Variants in SEC24D observed in about 807,000 individuals in gnomAD.
SEC24D encodes SEC24 homolog D, COPII component, also known as protein transport protein Sec24D.
Under a neutral mutation model 116.9 loss-of-function variants are expected in SEC24D, and 69 were observed. The observed-to-expected ratio is 0.59, with a 90% CI of 0.49 to 0.72. The LOEUF (loss-of-function observed/expected upper bound fraction) is 0.72, where lower values mean the gene tolerates loss of function less well. Among genes scored for constraint, SEC24D ranks in the 30% least tolerant of loss-of-function variants. The pLI is 0.00. For missense variants in SEC24D, 1,131 were observed against 1,264.1 expected (o/e 0.89, Z 1.60); for synonymous variants, 405 against 442.8 (o/e 0.91, Z 1.07).
At chr4:118,790,869 T>C (rs183786671) in intron 8 of SEC24D, among the ~76,000 whole-genome samples, 6 of 148,864 alleles carry the variant, frequency 4.0e-5, no homozygotes, top group African/African-American at 1.2e-4. Flanking sequence ...GATTTTAAAA[T>C]TGCAGTAATG....
At chr4:118,791,699 A>AT (rs1434549432) in intron 8 of SEC24D, among the ~76,000 whole-genome samples, 5 of 151,886 alleles carry the variant, frequency 3.3e-5, no homozygotes, top group Admixed American at 1.3e-4. Context: ...TGGTTTTCGT[A>AT]TTTTTTGGTG....
intron 7 of SEC24D, among the ~76,000 whole-genome samples, chr4:118,798,763 C>T (rs937312410): frequency 2.6e-5 from 4 of 152,102 alleles, no homozygotes; most frequent in Non-Finnish European, 5.9e-5. Context: ...ACAAGGTAGG[C>T]CTTATTTAAA....
chr4:118,793,273 C>T (rs370324964), intron 8 of SEC24D, among the ~76,000 whole-genome samples: 5 of 151,534 alleles, frequency 3.3e-5, no homozygotes, highest in African/African-American at 1.2e-4. Flanking sequence ...AGAGACCATC[C>T]CGGCTAAAAC....
chr4:118,834,454 C>T (rs190593365), intron 1 of SEC24D, among the ~76,000 whole-genome samples: 3 of 152,248 alleles, frequency 2.0e-5, no homozygotes, highest in Admixed American at 2.0e-4. Flanking sequence ...TGTAGGCACA[C>T]ACATCACAAA....
rs1421269358 is a variant in SEC24D at position 118,722,823 on chromosome 4, TAA to T, written c.*690_*691del. On this transcript the variant is annotated 3_prime_UTR_variant, in exon 23 of 23. Transcript: ENST00000280551. The stretch of plus-strand genomic sequence containing the variant: ...ATAATAAATAAATAAATCTACCTAC[TAA>T]GATTATACGAAGTGATTTATTGATA... The T allele has an allele frequency of 6.6e-6, 1 of 152,628 alleles. No homozygotes were observed. Among genetic ancestry groups the T allele is most frequent in the Non-Finnish European group, 1.5e-5 (1 of 68,026 alleles). 9.5% of individuals were successfully genotyped at this position (152,628 alleles called of 1,614,324 possible). A position where few individuals can be genotyped will look rare whatever the true frequency, so the allele number is the denominator to read the frequency against.
At chr4:118,795,493 G>A (rs891003697) in intron 8 of SEC24D, among the ~76,000 whole-genome samples, 1 of 152,126 alleles carries the variant, frequency 6.6e-6, no homozygotes, top group East Asian at 1.9e-4. Context: ...ACAGGTGTGA[G>A]CCACCGTGCC....
In SEC24D at chr4:118,805,870, T is replaced by A; in HGVS notation, c.886A>T (p.Thr296Ser). Residue 296 changes from threonine (T) to serine (S), a missense_variant, in exon 7 of 23, where the codon ACT (threonine) becomes TCT (serine). Coordinates refer to ENST00000280551, the MANE Select transcript of SEC24D (RefSeq NM_014822.4). ...NTRGQIPPLVTTDCMIQDQGN... is the reference protein window; with the variant it reads ...NTRGQIPPLVSTDCMIQDQGN... The stretch of plus-strand genomic sequence containing the variant: ...TGGTCTTGTATCATGCAATCTGTAG[T>A]GACCAGGGGAGGGATCTGGCCTCTG... The A allele has an allele frequency of 3.8e-6, 6 of 1,582,018 alleles. No homozygotes were observed. Among genetic ancestry groups the A allele is most frequent in the Non-Finnish European group, 5.1e-6 (6 of 1,167,124 alleles).
chr4:118,764,764 A>G lies in SEC24D; in HGVS notation c.1296+38T>C, dbSNP rs760880854. 3 of 1,097,338 alleles carry G rather than the reference A, an allele frequency of 2.7e-6. No homozygotes were observed. In the South Asian group the frequency reaches 3.9e-5, roughly 14 times the overall value. The allele number at this position is 1,097,338 out of a possible 1,614,324, so 68.0% of individuals were successfully genotyped here. On this transcript the variant is annotated intron_variant, in intron 10 of 22. Coordinates refer to ENST00000280551, the MANE Select transcript of SEC24D (RefSeq NM_014822.4). ...TGAAAGTTATTCACTTGAATTTAAC[A>G]TCAATGTATAAACACTTGAAGTTCT...
Position 118,815,062 on chromosome 4 carries a change from T to C in SEC24D, c.767A>G (p.Gln256Arg), listed in dbSNP as rs1193213146. 1.2e-6 allele frequency: 2 copies of C among 1,614,188 alleles called. No homozygotes were observed. Among genetic ancestry groups the C allele is most frequent in the Admixed American group, 3.3e-5 (2 of 60,026 alleles). Residue 256 changes from glutamine to arginine, a missense_variant, in exon 6 of 23, where the codon CAG (glutamine) becomes CGG (arginine). By Grantham distance (43) the Gln-to-Arg change is conservative. Coordinates refer to ENST00000280551, the MANE Select transcript of SEC24D (RefSeq NM_014822.4). Reference sequence around the variant, plus strand: ...GATAGAGTCAGGATCCAGCTTCTTCTGGGGCTGTGGCGGACCAGCCATCTG... The same window carrying C: ...GATAGAGTCAGGATCCAGCTTCTTCCGGGGCTGTGGCGGACCAGCCATCTG... ...PAQMAGPPQP[Q>R]KKLDPDSIPS...
intron 8 of SEC24D, among the ~76,000 whole-genome samples, chr4:118,783,301 A>G (rs1350909380): frequency 6.6e-6 from 1 of 152,148 alleles, no homozygotes; most frequent in Non-Finnish European, 1.5e-5. Flanking sequence ...TGAATACCCT[A>G]TTTAACCTAC....
intron 6 of SEC24D, among the ~76,000 whole-genome samples, chr4:118,806,684 C>T (rs905411661): frequency 8.6e-5 from 13 of 151,876 alleles, no homozygotes; most frequent in East Asian, 1.9e-4. Flanking sequence ...TTGAAAACAA[C>T]GATTTAAAGG....
chr4:118,723,830 G>A (rs568690452), intron 22 of SEC24D, among the ~76,000 whole-genome samples, 175 bp from the exon 23 acceptor site: 14 of 152,186 alleles, frequency 9.2e-5, no homozygotes, highest in East Asian at 7.7e-4. Context: ...CATGGACCCC[G>A]AAACCCCAAA....
chr4:118,753,207 T>A (rs1479371992), intron 11 of SEC24D, among the ~76,000 whole-genome samples: 1 of 152,162 alleles, frequency 6.6e-6, no homozygotes, highest in South Asian at 2.1e-4. Flanking sequence ...ATGAATAAGC[T>A]AGGCTTCTTA....
Position 118,731,489 on chromosome 4 carries a change from T to C in SEC24D, c.2695A>G (p.Ser899Gly). Residue 899 changes from serine to glycine, a missense_variant, in exon 21 of 23, where the codon AGT (serine) becomes GGT (glycine). Ser to Gly is a moderately conservative substitution (Grantham distance 56). Coordinates refer to ENST00000280551, the MANE Select transcript of SEC24D (RefSeq NM_014822.4). ...CGAACGGCAGCAGGTAACATTGTACTCTTGACATCTAACGTGTGCTGGGCA... is the reference window on the plus strand; with the variant it reads ...CGAACGGCAGCAGGTAACATTGTACCCTTGACATCTAACGTGTGCTGGGCA... ...LLPIHTLDVK[S>G]TMLPAAVRCS... The C allele has an allele frequency of 6.2e-7, 1 of 1,614,118 alleles. No homozygotes were observed. The highest frequency in any genetic ancestry group is 1.1e-5 in the South Asian group (1 of 91,088).
At chr4:118,743,538 AT>A (rs528480563) in intron 15 of SEC24D, among the ~76,000 whole-genome samples, 1 of 152,080 alleles carries the variant, frequency 6.6e-6, no homozygotes. Context: ...TTATTTTTAA[AT>A]TTTTTGTAGA....
At chr4:118,755,841 G>A (rs1402085203) in intron 11 of SEC24D, among the ~76,000 whole-genome samples, 2 of 152,156 alleles carry the variant, frequency 1.3e-5, no homozygotes, top group African/African-American at 2.4e-5. Context: ...AAAGGTAATT[G>A]GCTTGAATAA....
chr4:118,766,618 G>A (rs2110471704), intron 9 of SEC24D: 1 of 152,258 alleles, frequency 6.6e-6, no homozygotes, highest in East Asian at 1.9e-4. Context: ...AAGGCCCTGA[G>A]CCGACACTTT....
chr4:118,776,526 GGT>G (rs1160244626), intron 8 of SEC24D, among the ~76,000 whole-genome samples: 1 of 152,152 alleles, frequency 6.6e-6, no homozygotes, highest in East Asian at 1.9e-4. Context: ...AACTATCAAT[GGT>G]AGGTAATGAT....
chr4:118,780,907 CTTTTTTTTTTTTT>C (rs143712578), intron 8 of SEC24D, among the ~76,000 whole-genome samples: 19 of 61,834 alleles, frequency 3.1e-4, no homozygotes, highest in Non-Finnish European at 3.9e-4. Flanking sequence ...GCAACCCCTG[CTTTTTTTTTTTTT>C]TTTTTTTTTT....
Sources: gnomAD v4.1 joint callset for allele counts (sites outside exome capture counted in the v4.1 genomes callset) on GRCh38, gnomAD v4.1.1 for gene constraint, MANE v1.5 for transcripts, NCBI Gene and HGNC (gene_info 2026-07-23, HGNC 2026-07-21) for gene names.